XCR1: variants seen among roughly 807,000 people sequenced by gnomAD.
XCR1 encodes the protein chemokine XC receptor 1.
For missense variants in XCR1, 356 were observed against 424.2 expected (o/e 0.84, Z 1.41); for synonymous variants, 187 against 188.5 (o/e 0.99, Z 0.06).
At position 46,021,024 on chromosome 3, in the gene XCR1, G is replaced by A. The variant is rs544625373; in HGVS notation, c.924C>T (p.Cys308=). 6.2e-7 allele frequency: 1 copy of A among 1,613,458 alleles called. No homozygotes were observed. Among genetic ancestry groups the A allele is most frequent in the Non-Finnish European group, 8.5e-7 (1 of 1,179,668 alleles). Residue 308 remains cysteine, a synonymous_variant, in exon 2 of 2, where the codon TGC becomes TGT. Coordinates refer to ENST00000309285, the MANE Select transcript of XCR1 (RefSeq NM_001024644.2). The surrounding 1 kb of genome is among the most constrained non-coding windows in gnomAD (Gnocchi z 4.7). ...LKHVLRQFWF[C]RLQAPSPASI... The stretch of plus-strand genomic sequence containing the variant: ...AGGCTGGGCTGGGTGCCTGCAGCCG[G>A]CAGAACCAGAACTGCCGGAGAACAT...
At chr3:46,068,853 T>C (rs908372744) in intron 3 of XCR1, among the ~76,000 whole-genome samples, 1 of 152,106 alleles carries the variant, frequency 6.6e-6, no homozygotes, top group Non-Finnish European at 1.5e-5. Context: ...CTGACAAAAT[T>C]CTAGCCTCTT....
At chr3:46,080,678 G>A (rs974758342) in intron 1 of XCR1, among the ~76,000 whole-genome samples, 7 of 152,136 alleles carry the variant, frequency 4.6e-5, no homozygotes, top group African/African-American at 1.7e-4. Context: ...GAAAGATAAA[G>A]GAACCAAGTT....
chr3:46,080,593 C>A (rs73830728), intron 1 of XCR1, among the ~76,000 whole-genome samples: 1,887 of 152,132 alleles, frequency 0.012, 49 homozygotes, highest in African/African-American at 0.042. Context: ...CCCCAGCCCC[C>A]CTGCCAAACA....
intron 1 of XCR1, chr3:46,023,251 T>A: frequency 1.6e-6 from 1 of 629,404 alleles, no homozygotes; most frequent in South Asian, 2.0e-5. Context: ...ATCCCCTCCA[T>A]GTTCCCTGGC....
chr3:46,046,654 G>C (rs1697634560), intron 5 of XCR1, among the ~76,000 whole-genome samples: 1 of 152,064 alleles, frequency 6.6e-6, no homozygotes, highest in African/African-American at 2.4e-5. Flanking sequence ...TTTTTGATTG[G>C]CAGTCCATCT....
rs181136479 is a variant in XCR1, at chr3:46,049,727, C to A, written c.-32+4193G>T. 4.3e-3 allele frequency among the ~76,000 whole-genome samples: 656 copies of A among 152,232 alleles called. 7 individuals carry two copies. Among genetic ancestry groups the A allele is most frequent in the African/African-American group, 0.015 (630 of 41,542 alleles). Reference sequence around the variant, plus strand: ...ATAGCTGCATGACCTTTGGAAGAACCATCAGTAAAATAAGTCTGTCCACCT... The same window carrying A: ...ATAGCTGCATGACCTTTGGAAGAACAATCAGTAAAATAAGTCTGTCCACCT... On this transcript the variant is annotated intron_variant, in intron 5 of 5. Transcript: ENST00000683768.
chr3:46,066,887 T>A (rs555734933), intron 4 of XCR1, among the ~76,000 whole-genome samples: 16 of 152,328 alleles, frequency 1.1e-4, no homozygotes, highest in Admixed American at 3.3e-4. Context: ...TTAATATGAG[T>A]TAGATACTTA....
intron 4 of XCR1, among the ~76,000 whole-genome samples, chr3:46,059,152 A>G (rs113499035): frequency 0.01 from 1,569 of 152,304 alleles, 32 homozygotes; most frequent in African/African-American, 0.035. Flanking sequence ...GAAGTGGCCC[A>G]TATACCTATA....
intron 5 of XCR1, among the ~76,000 whole-genome samples, chr3:46,052,867 C>G (rs769209927): frequency 6.6e-6 from 1 of 152,124 alleles, no homozygotes; most frequent in Non-Finnish European, 1.5e-5. Flanking sequence ...GCGACCCTTG[C>G]GTGATATGTA....
intron 3 of XCR1, among the ~76,000 whole-genome samples, chr3:46,074,214 C>CT (rs35124592): frequency 0.065 from 5,644 of 86,600 alleles, 584 homozygotes; most frequent in Non-Finnish European, 0.1. Context: ...TGAAGGCCAT[C>CT]TTTTTTTTTT....
At chr3:46,035,682 C>T (rs926768454) in intron 5 of XCR1, among the ~76,000 whole-genome samples, 7 of 152,184 alleles carry the variant, frequency 4.6e-5, no homozygotes, top group South Asian at 4.1e-4. Context: ...ATCTGCATCC[C>T]GATAGGTGAG....
At chr3:46,057,929 T>TACCC (rs1458548387) in intron 4 of XCR1, among the ~76,000 whole-genome samples, 2 of 136,650 alleles carry the variant, frequency 1.5e-5, no homozygotes, top group Non-Finnish European at 3.1e-5. Context: ...TCTATCTATC[T>TACCC]ATCTACGCAT....
chr3:46,080,069 T>TA (rs112696786), intron 1 of XCR1, among the ~76,000 whole-genome samples: 24,675 of 148,298 alleles, frequency 0.17, 2,135 homozygotes, highest in East Asian at 0.25. Flanking sequence ...TTTGAACAGT[T>TA]AAAAAAAAAA....
chr3:46,054,393 T>A (rs1697812523), intron 4 of XCR1, among the ~76,000 whole-genome samples: 1 of 152,144 alleles, frequency 6.6e-6, no homozygotes. Context: ...CCTGCGTTCA[T>A]GATAAACAGT....
Position 46,046,027 on chromosome 3 carries a change from A to T in XCR1, c.-32+7893T>A, listed in dbSNP as rs374081867. ...TAGTATATAAGCACAATGGAATACC[A>T]TTCAGCTGTTAAAAAGAATAAAATC... On this transcript the variant is annotated intron_variant, in intron 5 of 5. Coordinates refer to the XCR1 transcript ENST00000683768. 3.1e-4 allele frequency among the ~76,000 whole-genome samples: 48 copies of T among 152,392 alleles called. No individual in the cohort carries two copies. In the South Asian group the frequency reaches 8.5e-3, roughly 27 times the overall value.
chr3:46,025,270 G>T (rs995847730), intron 1 of XCR1, among the ~76,000 whole-genome samples: 1 of 129,680 alleles, frequency 7.7e-6, no homozygotes, highest in Non-Finnish European at 1.5e-5. Context: ...AAGGAGCAGT[G>T]GCTCATGCCT....
intron 1 of XCR1, among the ~76,000 whole-genome samples, chr3:46,084,488 A>G (rs1698435533): frequency 6.6e-6 from 1 of 152,224 alleles, no homozygotes; most frequent in Non-Finnish European, 1.5e-5. Flanking sequence ...CCAAGTAGCT[A>G]TAAAATGCCA....
intron 3 of XCR1, among the ~76,000 whole-genome samples, chr3:46,070,945 C>T (rs1213641280): frequency 2.0e-5 from 3 of 151,952 alleles, no homozygotes; most frequent in East Asian, 1.9e-4. Flanking sequence ...TTTTATGAAA[C>T]CTGTGAGTTT....
At chr3:46,029,418 C>T (rs1708360199), upstream of XCR1, among the ~76,000 whole-genome samples, 1 of 152,172 alleles carries the variant, frequency 6.6e-6, no homozygotes, top group South Asian at 2.1e-4. Context: ...TGGTCTTCAA[C>T]TCCTGGGCTC....
Sources: gnomAD v4.1 joint callset for allele counts (sites outside exome capture counted in the v4.1 genomes callset) on GRCh38, gnomAD v4.1.1 for gene constraint, Gnocchi (gnomAD v3.1) non-coding constraint, MANE v1.5 for transcripts, NCBI Gene and HGNC (gene_info 2026-07-23, HGNC 2026-07-21) for gene names.